The following SPTLC3 variants were observed in gnomAD, a reference collection of about 807,000 sequenced individuals.
The protein encoded by SPTLC3 is serine palmitoyltransferase long chain base subunit 3, also known as serine palmitoyltransferase 3.
A neutral mutation model predicts 59.3 loss-of-function variants in SPTLC3; 36 were observed. The ratio of observed to expected loss-of-function variants is 0.61; its 90% CI spans 0.47 to 0.80. SPTLC3 has a LOEUF of 0.80. Among genes scored for constraint, SPTLC3 ranks in the 30% least tolerant of loss-of-function variants. SPTLC3 has a pLI of 0.00. For synonymous variants in SPTLC3, 257 were observed against 240.8 expected, an observed-to-expected ratio of 1.07 and a Z score of -0.62; for missense variants, 625 against 685.1, an observed-to-expected ratio of 0.91 and a Z score of 0.98.
chr20:13,058,020 T>C (rs1354977060), intron 2 of SPTLC3, among the ~76,000 whole-genome samples: 2 of 152,176 alleles, frequency 1.3e-5, no homozygotes, highest in African/African-American at 4.8e-5. Flanking sequence ...CGATATAACA[T>C]GGCACCAATG....
At chr20:13,015,892 C>G (rs1306507892) in intron 1 of SPTLC3, among the ~76,000 whole-genome samples, 1 of 151,586 alleles carries the variant, frequency 6.6e-6, no homozygotes, top group Non-Finnish European at 1.5e-5. Context: ...TGATATAATA[C>G]CCAGGAGCCA....
chr20:13,119,703 T>C (rs1990793461), intron 8 of SPTLC3, among the ~76,000 whole-genome samples: 1 of 152,180 alleles, frequency 6.6e-6, no homozygotes. Flanking sequence ...TACCACTAGA[T>C]GGCAGCAAGA....
At chr20:13,086,017 T>C (rs868288708) in intron 4 of SPTLC3, among the ~76,000 whole-genome samples, 38 of 152,306 alleles carry the variant, frequency 2.5e-4, no homozygotes, top group Middle Eastern at 6.8e-3. Flanking sequence ...ATGGCTGTTA[T>C]TGACTTTCAG....
At chr20:13,025,178 C>G in intron 1 of SPTLC3, among the ~76,000 whole-genome samples, 1 of 152,180 alleles carries the variant, frequency 6.6e-6, no homozygotes, top group Non-Finnish European at 1.5e-5. Flanking sequence ...CATGAGGACA[C>G]TACTATATGT....
chr20:13,151,585 G>T (rs2122946463), intron 9 of SPTLC3, among the ~76,000 whole-genome samples: 1 of 152,292 alleles, frequency 6.6e-6, no homozygotes, highest in South Asian at 2.1e-4. Context: ...GACAATTGGG[G>T]CATTTAGCAT....
intron 9 of SPTLC3, among the ~76,000 whole-genome samples, chr20:13,132,388 G>A (rs1310042729): frequency 1.3e-5 from 2 of 151,918 alleles, no homozygotes; most frequent in East Asian, 1.9e-4. Flanking sequence ...TGTTGGCCGG[G>A]CTGATCTTGA....
intron 10 of SPTLC3, among the ~76,000 whole-genome samples, chr20:13,156,609 C>G (rs1266674316): frequency 6.6e-6 from 1 of 152,178 alleles, no homozygotes; most frequent in African/African-American, 2.4e-5. Context: ...GATGTCCATA[C>G]AGCATTTGGC....
At chr20:13,073,802 G>T in intron 3 of SPTLC3, 1 of 599,684 alleles carries the variant, frequency 1.7e-6, no homozygotes, top group Admixed American at 2.0e-5. Context: ...CTGGAGCTGT[G>T]ATTAAAGTTG....
intron 2 of SPTLC3, among the ~76,000 whole-genome samples, chr20:13,068,878 C>T (rs1043729412): frequency 6.6e-6 from 1 of 152,144 alleles, no homozygotes; most frequent in Non-Finnish European, 1.5e-5. Context: ...TCTGACCCTG[C>T]AGAATATATT....
chr20:13,084,635 T>C (rs1203505119), intron 4 of SPTLC3, among the ~76,000 whole-genome samples: 1 of 152,182 alleles, frequency 6.6e-6, no homozygotes, highest in Non-Finnish European at 1.5e-5. Context: ...GTACGTTAGG[T>C]TGGCACATTG....
chr20:13,076,508 T>G (rs1988650980), intron 4 of SPTLC3, among the ~76,000 whole-genome samples: 1 of 147,828 alleles, frequency 6.8e-6, no homozygotes, highest in South Asian at 2.1e-4. Context: ...AAAAATAGTT[T>G]TCAATGTTCC....
At chr20:13,095,291 C>T (rs980101192) in intron 6 of SPTLC3, among the ~76,000 whole-genome samples, 33 of 152,168 alleles carry the variant, frequency 2.2e-4, no homozygotes, top group African/African-American at 6.5e-4. Flanking sequence ...TCCAGAGAGA[C>T]GTAGTCGGGG....
intron 1 of SPTLC3, among the ~76,000 whole-genome samples, chr20:13,012,109 A>G (rs1985284401): frequency 6.6e-6 from 1 of 152,190 alleles, no homozygotes; most frequent in Non-Finnish European, 1.5e-5. Flanking sequence ...TTTTATTTGG[A>G]AAACCAAAAC....
rs1568630930 is a variant in SPTLC3, at chr20:13,154,008, CAG to C, written c.1290_1291del (p.Arg430SerfsTer26). ...TCACGCCTGTCTCTTTTCAGGGCTG[CAG>C]AGAGTACAGCAACTTGCGAAAAACA... ...MGLDGTTQGL[Q>X]RVQQLAKNTR... On this transcript the variant is annotated frameshift_variant, in exon 10 of 12. Coordinates refer to ENST00000399002, the MANE Select transcript of SPTLC3 (RefSeq NM_018327.4). LOFTEE classifies it high-confidence loss of function. 1 of 1,613,852 alleles carries C rather than the reference CAG, an allele frequency of 6.2e-7. No individual in the cohort carries two copies. Among genetic ancestry groups the C allele is most frequent in the Non-Finnish European group, 8.5e-7 (1 of 1,179,822 alleles).
chr20:13,045,655 T>C (rs1057433438), intron 1 of SPTLC3, among the ~76,000 whole-genome samples: 3 of 152,180 alleles, frequency 2.0e-5, no homozygotes, highest in Admixed American at 1.3e-4. Context: ...AATGTATCTA[T>C]TTATATGAGA....
intron 2 of SPTLC3, among the ~76,000 whole-genome samples, chr20:13,068,945 T>C (rs1291691263): frequency 1.3e-5 from 2 of 152,184 alleles, no homozygotes; most frequent in African/African-American, 4.8e-5. Flanking sequence ...CAGCTGTCCA[T>C]TTCTACATAG....
intron 9 of SPTLC3, among the ~76,000 whole-genome samples, chr20:13,142,375 T>C (rs1431344379): frequency 6.6e-6 from 1 of 152,136 alleles, no homozygotes; most frequent in Non-Finnish European, 1.5e-5. Context: ...CATATGGAAT[T>C]CCATGTTGGT....
chr20:13,046,451 TC>T (rs1568576470), intron 1 of SPTLC3, among the ~76,000 whole-genome samples: 1 of 152,224 alleles, frequency 6.6e-6, no homozygotes, highest in Non-Finnish European at 1.5e-5. Context: ...GTTTTCTTTT[TC>T]CTCTTCCTTG....
intron 6 of SPTLC3, among the ~76,000 whole-genome samples, chr20:13,108,408 A>C (rs1990028790): frequency 6.6e-6 from 1 of 152,170 alleles, no homozygotes; most frequent in Non-Finnish European, 1.5e-5. Flanking sequence ...AACAGATCTG[A>C]GCACAGACTG....
Sources: allele counts gnomAD v4.1 joint callset (sites outside exome capture counted in the v4.1 genomes callset), GRCh38; gene constraint gnomAD v4.1.1; transcripts MANE v1.5; gene names NCBI Gene and HGNC (gene_info 2026-07-23, HGNC 2026-07-21).